The following ZMYND12 variants were observed in gnomAD, a reference collection of about 807,000 sequenced individuals.
ZMYND12 encodes zinc finger MYND domain-containing protein 12.
ZMYND12 carries 32 observed loss-of-function variants against 41.7 expected under a neutral mutation model. The ratio of observed to expected loss-of-function variants is 0.77; its 90% CI spans 0.58 to 1.03. The LOEUF (loss-of-function observed/expected upper bound fraction) is 1.03. ZMYND12 is among the 50% of genes least tolerant of loss of function. ZMYND12 has a pLI of 0.00. For synonymous variants in ZMYND12, 148 were observed against 164.8 expected (o/e 0.90, Z 0.78); for missense variants, 424 against 438.5 (o/e 0.97, Z 0.30).
chr1:42,439,878 G>A lies in ZMYND12; in HGVS notation c.572C>T (p.Ala191Val). 6.2e-7 allele frequency: 1 copy of A among 1,612,480 alleles called. No homozygotes were observed. Residue 191 changes from alanine (A) to valine (V), a missense_variant, in exon 4 of 8, where the codon GCC becomes GTC. By Grantham distance (64) the Ala-to-Val change is moderately conservative (BLOSUM62 0). Coordinates refer to ENST00000372565, the MANE Select transcript of ZMYND12 (RefSeq NM_032257.5). Reference sequence around the variant, plus strand: ...TACATCATTGGCCAGATGATAACGGGCCTCTTCATAGTTTTTCTTAGCTAT... The same window carrying A: ...TACATCATTGGCCAGATGATAACGGACCTCTTCATAGTTTTTCTTAGCTAT... ...LYIAKKNYEE[A>V]RYHLANDIYF...
chr1:42,446,559 G>A (rs553346289), intron 3 of ZMYND12, among the ~76,000 whole-genome samples: 3 of 152,066 alleles, frequency 2.0e-5, no homozygotes, highest in East Asian at 3.9e-4. Flanking sequence ...GGCTGAGGCA[G>A]GAGAATTGCT....
intron 5 of ZMYND12, among the ~76,000 whole-genome samples, chr1:42,436,133 A>G (rs1414292732): frequency 6.6e-6 from 1 of 152,188 alleles, no homozygotes; most frequent in Non-Finnish European, 1.5e-5. Context: ...TGGGTATGAC[A>G]CAGCATACAA....
At chr1:42,433,062 TG>T in intron 7 of ZMYND12, 80 bp downstream of exon 7, 1 of 1,573,324 alleles carries the variant, frequency 6.4e-7, no homozygotes, top group Non-Finnish European at 8.6e-7. Context: ...CTATTGGAAT[TG>T]GGCAAAACAC....
At chr1:42,432,888 A>T in intron 7 of ZMYND12, 1 of 408,620 alleles carries the variant, frequency 2.4e-6, no homozygotes, top group Non-Finnish European at 4.3e-6. Flanking sequence ...CCTGCCCTGC[A>T]GGCTTCCCAG....
At chr1:42,439,182 A>T (rs1642939060) in intron 4 of ZMYND12, among the ~76,000 whole-genome samples, 1 of 152,108 alleles carries the variant, frequency 6.6e-6, no homozygotes, top group Non-Finnish European at 1.5e-5. Context: ...CCTGTCTTGC[A>T]GGTGATGAAA....
At position 42,451,037 on chromosome 1, in the gene ZMYND12, G is replaced by C. The variant is rs137939060; in HGVS notation, c.111-978C>G. Among the ~76,000 whole-genome samples the C allele has an allele frequency of 3.7e-3, 565 of 152,334 alleles. 3 individuals carry two copies. The highest frequency in any genetic ancestry group is 0.013 in the African/African-American group (545 of 41,580). On this transcript the variant is annotated intron_variant, in intron 1 of 7. Coordinates refer to ENST00000372565, the MANE Select transcript of ZMYND12 (RefSeq NM_032257.5). ...ATAATGTTCTATACGCACTAGAGAA[G>C]AATAGGCATTCTCATGTTATTGAAT...
At chr1:42,446,899 G>A (rs1365333634) in intron 3 of ZMYND12, among the ~76,000 whole-genome samples, 1 of 152,094 alleles carries the variant, frequency 6.6e-6, no homozygotes, top group Non-Finnish European at 1.5e-5. Flanking sequence ...AGAACAAATG[G>A]GGTTGTATCT....
At chr1:42,452,266 G>A (rs1404413003) in intron 1 of ZMYND12, among the ~76,000 whole-genome samples, 1 of 152,192 alleles carries the variant, frequency 6.6e-6, no homozygotes, top group Non-Finnish European at 1.5e-5. Flanking sequence ...AACGAATGGT[G>A]AAGTGGTATT....
intron 1 of ZMYND12, among the ~76,000 whole-genome samples, chr1:42,451,419 CTGTT>C (rs762835742): frequency 6.6e-6 from 1 of 152,238 alleles, no homozygotes; most frequent in East Asian, 1.9e-4. Flanking sequence ...TGTAAGTTAA[CTGTT>C]TGATTCCATT....
intron 1 of ZMYND12, among the ~76,000 whole-genome samples, chr1:42,452,179 T>C (rs1460129593): frequency 6.6e-6 from 1 of 152,230 alleles, no homozygotes; most frequent in African/African-American, 2.4e-5. Flanking sequence ...TGATCTGCAA[T>C]ATTTTTTGCA....
intron 1 of ZMYND12, among the ~76,000 whole-genome samples, chr1:42,454,448 G>A (rs1643122044): frequency 6.6e-6 from 1 of 152,202 alleles, no homozygotes; most frequent in Non-Finnish European, 1.5e-5. Context: ...CACTGAGGAA[G>A]GACACCTAGG....
intron 5 of ZMYND12, among the ~76,000 whole-genome samples, chr1:42,435,909 T>G (rs538354315): frequency 6.6e-6 from 1 of 152,316 alleles, no homozygotes; most frequent in South Asian, 2.1e-4. Flanking sequence ...TATTACACAT[T>G]TATTACACAA....
rs1479325508 is a variant in ZMYND12 at position 42,430,411 on chromosome 1, A to T, written c.*325T>A. 1.4e-5 allele frequency: 3 copies of T among 217,006 alleles called. No homozygotes were observed. The highest frequency in any genetic ancestry group is 2.8e-5 in the Non-Finnish European group (3 of 108,248). The allele number at this position is 217,006 out of a possible 1,614,324, so 13.4% of individuals were successfully genotyped here. ...TGTATGAAACATGCATCGTTGGAAG[A>T]CTTCTGGGAAATGACAAACTATTTG... is the stretch of plus-strand genomic sequence containing the variant. On this transcript the variant is annotated 3_prime_UTR_variant, in exon 8 of 8. Coordinates refer to ENST00000372565, the MANE Select transcript of ZMYND12 (RefSeq NM_032257.5).
intron 1 of ZMYND12, 22 bp downstream of exon 1, chr1:42,455,866 G>A: frequency 6.3e-7 from 1 of 1,579,666 alleles, no homozygotes; most frequent in Non-Finnish European, 8.7e-7. Flanking sequence ...ATAGCGCCCA[G>A]GTGCCACGTT....
intron 5 of ZMYND12, among the ~76,000 whole-genome samples, 198 bp downstream of exon 5, chr1:42,436,223 T>A (rs527523985): frequency 2.0e-5 from 3 of 152,310 alleles, no homozygotes; most frequent in African/African-American, 7.2e-5. Flanking sequence ...TAAGGGTTAG[T>A]CTATTTTGGT....
rs1642895238 is a variant in ZMYND12, at chr1:42,435,393, G to A, written c.718-8C>T. ...ATGCCAGATCTCAGAGACCTGTTGG[G>A]AAAAGAGATGGTAATACAACAAGCA... On this transcript the variant is annotated splice_region_variant and splice_polypyrimidine_tract_variant and intron_variant, in intron 5 of 7. Coordinates refer to ENST00000372565, the MANE Select transcript of ZMYND12 (RefSeq NM_032257.5). 1.3e-6 allele frequency: 2 copies of A among 1,599,644 alleles called. No homozygotes were observed. The highest frequency in any genetic ancestry group is 1.7e-6 in the Non-Finnish European group (2 of 1,167,186).
At position 42,436,423 on chromosome 1, in the gene ZMYND12, T is replaced by A. The variant is rs1557766597; in HGVS notation, c.715A>T (p.Lys239Ter). 6.2e-7 allele frequency: 1 copy of A among 1,613,118 alleles called. No individual in the cohort carries two copies. The highest frequency in any genetic ancestry group is 8.5e-7 in the Non-Finnish European group (1 of 1,179,232). ...KLDLADTLYT[K>*]VSEIWHAYLN... Reference sequence around the variant, plus strand: ...AGCTCCCACATTCCCCAGCTCACCTTGGTGTACAATGTGTCTGCCAGGTCC... The same window carrying A: ...AGCTCCCACATTCCCCAGCTCACCTAGGTGTACAATGTGTCTGCCAGGTCC... The change falls in exon 5 of 8, where the codon AAG (lysine) becomes TAG (stop). Residue 239 changes from lysine (K) to a stop codon, truncating the protein, a stop_gained and splice_region_variant. Coordinates refer to ENST00000372565, the MANE Select transcript of ZMYND12 (RefSeq NM_032257.5). LOFTEE classifies it high-confidence loss of function.
intron 4 of ZMYND12, 145 bp from the exon 5 acceptor site, chr1:42,436,688 C>A: frequency 2.1e-6 from 2 of 968,676 alleles, no homozygotes; most frequent in Non-Finnish European, 2.9e-6. Flanking sequence ...GACATTTCTC[C>A]AAAAAGATAT....
At chr1:42,451,334 T>C (rs892124749) in intron 1 of ZMYND12, among the ~76,000 whole-genome samples, 2 of 152,216 alleles carry the variant, frequency 1.3e-5, no homozygotes, top group Non-Finnish European at 1.5e-5. Context: ...GCTGCATGTA[T>C]TTTGAGGCTC....
Sources: gnomAD v4.1 joint callset for allele counts (sites outside exome capture counted in the v4.1 genomes callset) on GRCh38, gnomAD v4.1.1 for gene constraint, MANE v1.5 for transcripts, NCBI Gene and HGNC (gene_info 2026-07-23, HGNC 2026-07-21) for gene names.